Variants in TTF2 observed in about 807,000 individuals in gnomAD.
The protein encoded by TTF2 is transcription termination factor 2.
Under a neutral mutation model 142.4 loss-of-function variants are expected in TTF2, and 108 were observed. The ratio of observed to expected loss-of-function variants is 0.76; its 90% CI spans 0.65 to 0.89. The LOEUF is 0.89. TTF2 is among the 40% of genes least tolerant of loss of function. The pLI, the probability that TTF2 is intolerant of heterozygous loss-of-function variation, is 0.00. For missense variants in TTF2, 1,327 were observed against 1,379.8 expected, an observed-to-expected ratio of 0.96 and a Z score of 0.61; for synonymous variants, 483 against 506.2, an observed-to-expected ratio of 0.95 and a Z score of 0.61.
At chr1:117,082,916 A>T (rs1045970929) in intron 10 of TTF2, among the ~76,000 whole-genome samples, 2 of 152,240 alleles carry the variant, frequency 1.3e-5, no homozygotes, top group Non-Finnish European at 2.9e-5. Flanking sequence ...GTTGCCATGT[A>T]TTCAAGTACA....
At chr1:117,091,700 T>C in intron 16 of TTF2, 117 bp from the exon 17 acceptor site, 1 of 1,339,810 alleles carries the variant, frequency 7.5e-7, no homozygotes, top group East Asian at 2.4e-5. Flanking sequence ...GAGTTGTAAC[T>C]ATATTATTGA....
rs1647327776 is a variant in TTF2, at chr1:117,079,747, A to G, written c.1783+98A>G. 1 of 1,156,944 alleles carries G rather than the reference A, an allele frequency of 8.6e-7. No homozygotes were observed. The highest frequency in any genetic ancestry group is 1.3e-6 in the Non-Finnish European group (1 of 777,482). The allele number at this position is 1,156,944 out of a possible 1,614,324, so 71.7% of individuals were successfully genotyped here. A position where few individuals can be genotyped will look rare whatever the true frequency, so the allele number is the denominator to read the frequency against. On this transcript the variant is annotated intron_variant, in intron 9 of 22. Coordinates refer to ENST00000369466, the MANE Select transcript of TTF2 (RefSeq NM_003594.4). The surrounding 1 kb of genome is among the most constrained non-coding windows in gnomAD (Gnocchi z 4.2). The stretch of plus-strand genomic sequence containing the variant: ...ATTTATTCCTCTCAAGAACTCTATG[A>G]GGCAGGTACTATTATTCCTCATTTT...
Position 117,060,554 on chromosome 1 carries a change from C to T in TTF2, c.128C>T (p.Thr43Ile). The T allele has an allele frequency of 2.5e-6, 4 of 1,609,296 alleles. No individual in the cohort carries two copies. Among genetic ancestry groups the T allele is most frequent in the Non-Finnish European group, 3.4e-6 (4 of 1,177,404 alleles). ...GACACGTGCAGCTTCGTGCGGGCCA[C>T]CGAGTAGGTCTGGAGCTGGGCCCCA... ...RADTCSFVRA[T>I]DIPVSHCLLH... The change falls in exon 2 of 23, where the codon ACC becomes ATC. Residue 43 changes from threonine to isoleucine, a missense_variant. Coordinates refer to ENST00000369466, the MANE Select transcript of TTF2 (RefSeq NM_003594.4).
rs774059041 is a variant in TTF2, at chr1:117,081,787, C to G, written c.1784-41C>G. On this transcript the variant is annotated intron_variant, in intron 9 of 22. Transcript: ENST00000369466. The stretch of plus-strand genomic sequence containing the variant: ...TCTTGAACTAGGGTTGATTATTTGC[C>G]CTAAGCAATTAACTCTCTTAATTTT... The G allele has an allele frequency of 1.9e-6, 3 of 1,600,762 alleles. No individual in the cohort carries two copies. In the Admixed American group the frequency reaches 5.1e-5, roughly 27 times the overall value.
chr1:117,098,976 G>T (rs1035702156), intron 22 of TTF2, 69 bp downstream of exon 22: 1 of 1,415,858 alleles, frequency 7.1e-7, no homozygotes, highest in Non-Finnish European at 9.8e-7. Flanking sequence ...TCTTTCTTAG[G>T]TAGTGTTTTC....
At chr1:117,095,030 A>G (rs1014800422) in intron 18 of TTF2, among the ~76,000 whole-genome samples, 25 of 152,216 alleles carry the variant, frequency 1.6e-4, no homozygotes, top group Non-Finnish European at 3.2e-4. Context: ...AAACGAACCC[A>G]GAGAAGCAGA....
chr1:117,094,655 T>G (rs757261126), intron 18 of TTF2: 4 of 485,062 alleles, frequency 8.2e-6, no homozygotes. Context: ...TAGGAGAGTA[T>G]CTTCTCTGTT....
intron 9 of TTF2, among the ~76,000 whole-genome samples, chr1:117,081,135 C>T (rs796277715): frequency 1.3e-5 from 2 of 152,212 alleles, no homozygotes; most frequent in East Asian, 3.8e-4. Context: ...GGATAGCAGG[C>T]AGGCCTATGG....
At position 117,102,702 on chromosome 1, in the gene TTF2, T is replaced by C. The variant is rs1649679847; in HGVS notation, c.*1178T>C. The C allele has an allele frequency of 6.6e-6, 1 of 152,170 alleles. No individual in the cohort carries two copies. Among genetic ancestry groups the C allele is most frequent in the Non-Finnish European group, 1.5e-5 (1 of 68,020 alleles). 9.4% of individuals were successfully genotyped at this position (152,170 alleles called of 1,614,324 possible). A position where few individuals can be genotyped will look rare whatever the true frequency, so the allele number is the denominator to read the frequency against. On this transcript the variant is annotated 3_prime_UTR_variant, in exon 23 of 23. Transcript: ENST00000369466. The stretch of plus-strand genomic sequence containing the variant: ...TATCATTGTTTCATTTAGTATTTGG[T>C]ACAATCTAATAAATACTAATCCAGT...
intron 3 of TTF2, among the ~76,000 whole-genome samples, chr1:117,071,574 T>C (rs1374861311): frequency 6.6e-6 from 1 of 152,204 alleles, no homozygotes; most frequent in Non-Finnish European, 1.5e-5. Flanking sequence ...ATGAGGGGGC[T>C]TCTCACTGTG....
rs757000729 is a variant in TTF2, at chr1:117,090,630, G to A, written c.2588+7G>A. 1.2e-6 allele frequency: 2 copies of A among 1,608,732 alleles called. No homozygotes were observed. Among genetic ancestry groups the A allele is most frequent in the Non-Finnish European group, 1.7e-6 (2 of 1,176,340 alleles). ...TGTTTTTTGCAAGATCAAGGTGTGT[G>A]TATTAAAGAAGCACCTTCTCACACA... On this transcript the variant is annotated splice_region_variant and intron_variant, in intron 15 of 22. Transcript: ENST00000369466. This position sits in a 1 kb window ranked among gnomAD's most constrained non-coding sequence, Gnocchi z 4.8.
At position 117,091,810 on chromosome 1, in the gene TTF2, T is replaced by C. The variant is rs1299757789; in HGVS notation, c.2672-7T>C. ...ACCATCCTGTGGCTTGTCTTCCCTCTTGGAAGTGGCACTGGAGTTTGGGTC... is the reference window on the plus strand; with the variant it reads ...ACCATCCTGTGGCTTGTCTTCCCTCCTGGAAGTGGCACTGGAGTTTGGGTC... On this transcript the variant is annotated splice_region_variant and splice_polypyrimidine_tract_variant and intron_variant, in intron 16 of 22. Coordinates refer to ENST00000369466, the MANE Select transcript of TTF2 (RefSeq NM_003594.4). The C allele has an allele frequency of 6.2e-7, 1 of 1,612,446 alleles. No homozygotes were observed. Among genetic ancestry groups the C allele is most frequent in the Non-Finnish European group, 8.5e-7 (1 of 1,179,122 alleles).
Position 117,103,276 on chromosome 1 carries a change from A to T in TTF2, c.*1752A>T, listed in dbSNP as rs1245885033. ...ACATGATCAAGGAATCTTTTTTTTT[A>T]AGCTACTGAGATTTCTGTGTTGTTT... On this transcript the variant is annotated 3_prime_UTR_variant, in exon 23 of 23. Coordinates refer to ENST00000369466, the MANE Select transcript of TTF2 (RefSeq NM_003594.4). The T allele has an allele frequency of 6.6e-6, 1 of 152,010 alleles. No homozygotes were observed. The highest frequency in any genetic ancestry group is 2.4e-5 in the African/African-American group (1 of 41,390). 9.4% of individuals were successfully genotyped at this position (152,010 alleles called of 1,614,324 possible). A position where few individuals can be genotyped will look rare whatever the true frequency, so the allele number is the denominator to read the frequency against.
chr1:117,095,976 C>T (rs1649102192), intron 19 of TTF2, among the ~76,000 whole-genome samples, 173 bp from the exon 20 acceptor site: 1 of 152,132 alleles, frequency 6.6e-6, no homozygotes, highest in Non-Finnish European at 1.5e-5. Context: ...TAACTGGAAG[C>T]ATTATAATCT....
Position 117,070,130 on chromosome 1 carries a change from A to G in TTF2, c.219-3531A>G, listed in dbSNP as rs1656460299. ...AAGCATTTTTAGCACTGTGCCTAGC[A>G]CATAGCAGATGTTCAGTGTGTTTCT... On this transcript the variant is annotated intron_variant, in intron 3 of 22. Transcript: ENST00000369466. The surrounding 1 kb of genome is among the most constrained non-coding windows in gnomAD (Gnocchi z 4.2). Among the ~76,000 whole-genome samples, 1 of 152,240 alleles carries G rather than the reference A, an allele frequency of 6.6e-6. No individual in the cohort carries two copies. The highest frequency in any genetic ancestry group is 6.5e-5 in the Admixed American group (1 of 15,284).
chr1:117,090,037 T>A lies in TTF2; in HGVS notation c.2343-18T>A. The A allele has an allele frequency of 1.2e-6, 2 of 1,610,866 alleles. No individual in the cohort carries two copies. Among genetic ancestry groups the A allele is most frequent in the Non-Finnish European group, 1.7e-6 (2 of 1,178,274 alleles). ...CTTTTCCTTCCCTACTCTGTGCCCT[T>A]CTTCCTCAACAAAAAAGGTTTCTCC... On this transcript the variant is annotated intron_variant, in intron 13 of 22. Coordinates refer to ENST00000369466, the MANE Select transcript of TTF2 (RefSeq NM_003594.4). This position sits in a 1 kb window ranked among gnomAD's most constrained non-coding sequence, Gnocchi z 4.8.
At chr1:117,072,418 C>T (rs1029362444) in intron 3 of TTF2, among the ~76,000 whole-genome samples, 13 of 141,236 alleles carry the variant, frequency 9.2e-5, no homozygotes, top group Non-Finnish European at 2.0e-4. Flanking sequence ...TTAAAAGATA[C>T]GGACTTTTTT....
At position 117,075,844 on chromosome 1, in the gene TTF2, A is replaced by G. The variant is rs764724189; in HGVS notation, c.1260A>G (p.Gln420=). 1.9e-6 allele frequency: 3 copies of G among 1,605,762 alleles called. No homozygotes were observed. Among genetic ancestry groups the G allele is most frequent in the South Asian group, 2.2e-5 (2 of 89,868 alleles). ...CCCGGCGTGTCTACCTTACAACACA[A>G]CTGAAACAAAAGAAGGTAACTATTG... ...PVARRVYLTT[Q]LKQKKSTLAS... is the part of the protein sequence containing the mutation. The change falls in exon 5 of 23, where the codon CAA becomes CAG. Residue 420 remains glutamine, a synonymous_variant. Coordinates refer to ENST00000369466, the MANE Select transcript of TTF2 (RefSeq NM_003594.4). The surrounding 1 kb of genome is among the most constrained non-coding windows in gnomAD (Gnocchi z 4.5).
In TTF2 at chr1:117,070,003, A is replaced by T. The variant is rs932212767; in HGVS notation, c.219-3658A>T. ...CTCTGCGAAAATATATTTCCACTGC[A>T]TTCTTTGTTGATTTACAATATAATA... On this transcript the variant is annotated intron_variant, in intron 3 of 22. Coordinates refer to ENST00000369466, the MANE Select transcript of TTF2 (RefSeq NM_003594.4). The surrounding 1 kb of genome is among the most constrained non-coding windows in gnomAD (Gnocchi z 4.2). 2.8e-4 allele frequency among the ~76,000 whole-genome samples: 43 copies of T among 152,234 alleles called. No homozygotes were observed. The highest frequency in any genetic ancestry group is 9.6e-4 in the African/African-American group (40 of 41,470).
Sources: gnomAD v4.1 joint callset for allele counts (sites outside exome capture counted in the v4.1 genomes callset) on GRCh38, gnomAD v4.1.1 for gene constraint, Gnocchi (gnomAD v3.1) non-coding constraint, MANE v1.5 for transcripts, NCBI Gene and HGNC (gene_info 2026-07-23, HGNC 2026-07-21) for gene names.